The following USH2A variants were observed in gnomAD, a reference collection of about 807,000 sequenced individuals.
USH2A encodes the protein Usher syndrome 2A (autosomal recessive, mild).
A neutral mutation model predicts 538.9 loss-of-function variants in USH2A; 443 were observed. The observed-to-expected ratio is 0.82, with a 90% CI of 0.76 to 0.89. The LOEUF (loss-of-function observed/expected upper bound fraction) is 0.89, where lower values mean the gene tolerates loss of function less well. Ranked by LOEUF, USH2A falls within the 40% of genes least tolerant of loss-of-function variation. USH2A has a pLI of 0.00. For synonymous variants in USH2A, 2,413 were observed against 2,273.5 expected (o/e 1.06, Z -1.75); for missense variants, 6,633 against 6,324.8 (o/e 1.05, Z -1.65).
intron 32 of USH2A, among the ~76,000 whole-genome samples, chr1:216,023,390 T>C (rs1668883577): frequency 1.4e-5 from 2 of 147,736 alleles, no homozygotes; most frequent in Admixed American, 6.8e-5. Context: ...TTGGGTCTCT[T>C]TCTCCCTTTT....
At position 215,860,329 on chromosome 1, in the gene USH2A, G is replaced by A. The variant is rs150089775; in HGVS notation, c.8845+6678C>T. ...TCTACATTAGAGGTCAGCAAGCTAT[G>A]TTCCATGAGCTAAATCTGGCCTGTT... On this transcript the variant is annotated intron_variant, in intron 44 of 71. Coordinates refer to ENST00000307340, the MANE Select transcript of USH2A (RefSeq NM_206933.4). 1.2e-4 allele frequency among the ~76,000 whole-genome samples: 19 copies of A among 152,278 alleles called. 1 individual carries two copies. The highest frequency in any genetic ancestry group is 1.1e-3 in the Admixed American group (17 of 15,294).
intron 32 of USH2A, among the ~76,000 whole-genome samples, chr1:216,006,939 T>A (rs1668406704): frequency 6.6e-6 from 1 of 152,192 alleles, no homozygotes; most frequent in Non-Finnish European, 1.5e-5. Flanking sequence ...CCCACCTAAA[T>A]CTCATCTTGA....
rs1432096229 is a variant in USH2A, at chr1:215,973,661, T to C, written c.6806-2885A>G. On this transcript the variant is annotated intron_variant, in intron 35 of 71. Transcript: ENST00000307340. ...ATTTACTTCTTCTTCTTCTTCTTTT[T>C]TTTTTTTTTTTTTGTCTATCTGACT... Among the ~76,000 whole-genome samples, 570 of 132,140 alleles carry C rather than the reference T, an allele frequency of 4.3e-3. 1 individual carries two copies. Among genetic ancestry groups the C allele is most frequent in the Non-Finnish European group, 7.5e-3 (439 of 58,214 alleles). 86.7% of individuals were successfully genotyped at this position (132,140 alleles called of 152,430 possible).
chr1:216,373,462 T>C (rs189022606), intron 3 of USH2A, among the ~76,000 whole-genome samples: 4 of 152,152 alleles, frequency 2.6e-5, no homozygotes, highest in African/African-American at 9.7e-5. Flanking sequence ...GTAGTTTCTG[T>C]TTTTTATTAC....
chr1:215,648,463 C>T, intron 66 of USH2A, 65 bp downstream of exon 66: 1 of 1,538,510 alleles, frequency 6.5e-7, no homozygotes, highest in Non-Finnish European at 9.0e-7. Flanking sequence ...GTAGGCTATA[C>T]CATGAGTTCA....
chr1:216,111,418 C>A (rs561568707), intron 21 of USH2A, among the ~76,000 whole-genome samples: 1 of 152,184 alleles, frequency 6.6e-6, no homozygotes, highest in East Asian at 1.9e-4. Flanking sequence ...CCATTGATCT[C>A]AATCCTAGGG....
At chr1:216,376,005 T>C (rs1331955146) in intron 3 of USH2A, among the ~76,000 whole-genome samples, 1 of 152,068 alleles carries the variant, frequency 6.6e-6, no homozygotes, top group African/African-American at 2.4e-5. Context: ...ATTGGTGTGG[T>C]TCATGGCACC....
At chr1:215,810,123 A>G (rs1662625054) in intron 49 of USH2A, among the ~76,000 whole-genome samples, 2 of 152,176 alleles carry the variant, frequency 1.3e-5, no homozygotes, top group African/African-American at 4.8e-5. Flanking sequence ...TGAAAAATGA[A>G]CTATTTAAAA....
At chr1:216,233,905 G>A (rs1441378467) in intron 13 of USH2A, among the ~76,000 whole-genome samples, 2 of 152,082 alleles carry the variant, frequency 1.3e-5, no homozygotes, top group Non-Finnish European at 2.9e-5. Flanking sequence ...CACATGCACA[G>A]ACCCATGGGT....
chr1:215,924,740 C>A (rs1023702170), intron 38 of USH2A, among the ~76,000 whole-genome samples: 137 of 152,018 alleles, frequency 9.0e-4, no homozygotes, highest in African/African-American at 3.3e-3. Flanking sequence ...ATATTTCCCA[C>A]CCCTCTCCCC....
chr1:215,674,131 A>G lies in USH2A; in HGVS notation c.13780T>C (p.Tyr4594His), dbSNP rs1657912420. The G allele has an allele frequency of 1.2e-6, 2 of 1,614,102 alleles. No homozygotes were observed. Among genetic ancestry groups the G allele is most frequent in the South Asian group, 1.1e-5 (1 of 91,068 alleles). ...AATGGCTTCAGCTGGTTTACTATAT[A>G]TGACTGCATACCAAAAGAATTATGA... ...TTHNSFGMQS[Y>H]IVNQLKPFHR... Residue 4594 changes from tyrosine to histidine, a missense_variant, in exon 63 of 72, where the codon TAT becomes CAT. Tyr to His is a moderately conservative substitution (Grantham distance 83). Transcript: ENST00000307340.
chr1:215,799,222 T>TA (rs1662242915), intron 49 of USH2A, 97 bp from the exon 50 acceptor site: 1 of 1,324,850 alleles, frequency 7.5e-7, no homozygotes. Context: ...AGATCCCAAC[T>TA]GATTGACAGA....
chr1:215,925,555 G>A (rs889109411), intron 38 of USH2A, among the ~76,000 whole-genome samples: 10 of 152,094 alleles, frequency 6.6e-5, no homozygotes, highest in Non-Finnish European at 1.0e-4. Context: ...GAATGTTGTC[G>A]TTTTAAAGAA....
Position 215,780,003 on chromosome 1 carries a change from G to T in USH2A, c.10779C>A (p.Ile3593=), listed in dbSNP as rs781539138. Residue 3593 remains isoleucine, a synonymous_variant, in exon 55 of 72, where the codon ATC becomes ATA. Coordinates refer to ENST00000307340, the MANE Select transcript of USH2A (RefSeq NM_206933.4). ...TTAGGGCTGTGATGCTTGGTGGCAGGATGCTCTCCGGAACTCCTTGGGTAG... is the reference window on the plus strand; with the variant it reads ...TTAGGGCTGTGATGCTTGGTGGCAGTATGCTCTCCGGAACTCCTTGGGTAG... ...AATTQGVPES[I]LPPSITALSA... The T allele has an allele frequency of 6.2e-7, 1 of 1,613,974 alleles. No homozygotes were observed. Among genetic ancestry groups the T allele is most frequent in the African/African-American group, 1.3e-5 (1 of 74,906 alleles).
intron 61 of USH2A, among the ~76,000 whole-genome samples, chr1:215,688,009 G>T (rs774134151): frequency 4.6e-5 from 7 of 152,096 alleles, no homozygotes; most frequent in Non-Finnish European, 1.0e-4. Flanking sequence ...ATTGGAAATT[G>T]TGGTAAATTA....
intron 9 of USH2A, among the ~76,000 whole-genome samples, chr1:216,319,973 A>C (rs1382913940): frequency 6.6e-6 from 1 of 152,190 alleles, no homozygotes; most frequent in African/African-American, 2.4e-5. Flanking sequence ...CAAGTCATAC[A>C]TGAGTGTATG....
chr1:216,084,627 G>A, intron 25 of USH2A, 71 bp downstream of exon 25: 3 of 1,547,986 alleles, frequency 1.9e-6, no homozygotes, highest in South Asian at 1.1e-5. Flanking sequence ...AATCAAACAG[G>A]AGAGATTAAA....
Position 216,362,939 on chromosome 1 carries a change from C to G in USH2A, c.784+2014G>C, listed in dbSNP as rs1394131890. On this transcript the variant is annotated intron_variant, in intron 4 of 71. Transcript: ENST00000307340. ...GGGCGACAAGAGCGAAACTCCCTGT[C>G]AAAAAAAAATAATAATAAAATAATA... Among the ~76,000 whole-genome samples the G allele has an allele frequency of 3.0e-5, 4 of 133,992 alleles. No homozygotes were observed. The Admixed American group carries it at 3.0e-4, about 10-fold the overall frequency. 87.9% of individuals were successfully genotyped at this position (133,992 alleles called of 152,430 possible).
chr1:216,006,845 C>T (rs1387220836), intron 32 of USH2A, among the ~76,000 whole-genome samples: 6 of 152,064 alleles, frequency 3.9e-5, no homozygotes, highest in Admixed American at 2.6e-4. Context: ...TTATTTCTTC[C>T]GTCCTTCCCT....
Sources: allele counts gnomAD v4.1 joint callset (sites outside exome capture counted in the v4.1 genomes callset), GRCh38; gene constraint gnomAD v4.1.1; transcripts MANE v1.5; gene names NCBI Gene and HGNC (gene_info 2026-07-23, HGNC 2026-07-21).